Variants in NEK4 observed in about 807,000 individuals in gnomAD.
NEK4 encodes NIMA related kinase 4.
Under a neutral mutation model 98.4 loss-of-function variants are expected in NEK4, and 86 were observed. The observed-to-expected ratio is 0.87, with a 90% CI of 0.73 to 1.05. NEK4 has a LOEUF of 1.05. NEK4 is among the 50% of genes least tolerant of loss of function. The pLI, the probability that NEK4 is intolerant of heterozygous loss-of-function variation, is 0.00. For synonymous variants in NEK4, 328 were observed against 342.2 expected (o/e 0.96, Z 0.46); for missense variants, 898 against 950.3 (o/e 0.94, Z 0.72).
At chr3:52,750,560 A>G (rs1233137365) in intron 7 of NEK4, among the ~76,000 whole-genome samples, 1 of 152,136 alleles carries the variant, frequency 6.6e-6, no homozygotes, top group East Asian at 1.9e-4. Context: ...AAAAATACAT[A>G]TATGTGTGTG....
chr3:52,715,450 G>A (rs1406142976), intron 15 of NEK4, among the ~76,000 whole-genome samples: 3 of 152,204 alleles, frequency 2.0e-5, no homozygotes, highest in South Asian at 2.1e-4. Flanking sequence ...GCAGTGGCAC[G>A]ATCATGGCTC....
chr3:52,757,615 T>A (rs932669133), intron 6 of NEK4, among the ~76,000 whole-genome samples: 4 of 150,872 alleles, frequency 2.7e-5, no homozygotes, highest in Non-Finnish European at 4.4e-5. Context: ...TGTACATTCA[T>A]GTTCATAGCA....
At position 52,737,853 on chromosome 3, in the gene NEK4, G is replaced by A. The variant is rs559257473; in HGVS notation, c.2300-134C>T. On this transcript the variant is annotated intron_variant, in intron 14 of 15. Coordinates refer to ENST00000233027, the MANE Select transcript of NEK4 (RefSeq NM_003157.6). ...TTTTGAGACGGAGTCTTGCTCTGTC[G>A]CCCAGGCTGGAGTGCAGTGGCACGA... 4.0e-4 allele frequency: 259 copies of A among 655,620 alleles called. No homozygotes were observed. The East Asian group carries it at 4.6e-3, about 12-fold the overall frequency. 40.6% of individuals were successfully genotyped at this position (655,620 alleles called of 1,614,324 possible). A position where few individuals can be genotyped will look rare whatever the true frequency, so the allele number is the denominator to read the frequency against.
At position 52,728,006 on chromosome 3, in the gene NEK4, G is replaced by C. The variant is rs147925475; in HGVS notation, c.2433+9580C>G. Among the ~76,000 whole-genome samples, 5 of 152,294 alleles carry C rather than the reference G, an allele frequency of 3.3e-5. No homozygotes were observed. In the East Asian group the frequency reaches 9.6e-4, roughly 29 times the overall value. On this transcript the variant is annotated intron_variant, in intron 15 of 15. Transcript: ENST00000233027. The stretch of plus-strand genomic sequence containing the variant: ...TCAGCACTTTGGGAGACATAGATGA[G>C]AGGATTGCATGAGGTCAGGAGTTCC...
chr3:52,717,827 T>C (rs1384844518), intron 15 of NEK4, among the ~76,000 whole-genome samples: 1 of 152,118 alleles, frequency 6.6e-6, no homozygotes, highest in Non-Finnish European at 1.5e-5. Context: ...TCTCTCTCTG[T>C]CATCCAGGCT....
Position 52,751,974 on chromosome 3 carries a change from C to T in NEK4, c.1326G>A (p.Lys442=). ...GTTCTTTGATTAGGGGCTGCAGAGG[C>T]TTCACTGGTTCATTCTTTTCCCCAG... ...IVTGEKNEPV[K]PLQPLIKEQK... is the part of the protein sequence containing the mutation. Residue 442 remains lysine (K), a synonymous_variant, in exon 7 of 16, where the codon AAG becomes AAA. Transcript: ENST00000233027. 1 of 1,614,050 alleles carries T rather than the reference C, an allele frequency of 6.2e-7. No individual in the cohort carries two copies. The highest frequency in any genetic ancestry group is 8.5e-7 in the Non-Finnish European group (1 of 1,179,982).
intron 15 of NEK4, among the ~76,000 whole-genome samples, chr3:52,725,455 C>A (rs1205931952): frequency 6.6e-6 from 1 of 151,876 alleles, no homozygotes; most frequent in African/African-American, 2.4e-5. Flanking sequence ...GCGGAGCTTG[C>A]AGTGAGCTGA....
intron 6 of NEK4, chr3:52,754,075 T>C (rs761633327): frequency 1.2e-5 from 3 of 245,280 alleles, no homozygotes; most frequent in Admixed American, 5.2e-5. Flanking sequence ...AGGCAGGAGA[T>C]CACTTGAACC....
At chr3:52,757,857 A>G (rs1698183051) in intron 6 of NEK4, among the ~76,000 whole-genome samples, 1 of 152,190 alleles carries the variant, frequency 6.6e-6, no homozygotes, top group African/African-American at 2.4e-5. Context: ...AGGTACTTAC[A>G]CTAGTCAAAA....
In NEK4 at chr3:52,752,103, A is replaced by G. The variant is rs1028767268; in HGVS notation, c.1197T>C (p.Gly399=). 6.2e-7 allele frequency: 1 copy of G among 1,614,062 alleles called. No homozygotes were observed. Among genetic ancestry groups the G allele is most frequent in the Non-Finnish European group, 8.5e-7 (1 of 1,180,036 alleles). The stretch of plus-strand genomic sequence containing the variant: ...CTTCCACTTGAGAAATACTGCATAT[A>G]CCTCCTAACTCATTAGAGGCATCCA... ...RYLDASNELG[G]ICSISQVEEE... The change falls in exon 7 of 16, where the codon GGT becomes GGC. Residue 399 remains glycine, a synonymous_variant. Transcript: ENST00000233027.
intron 15 of NEK4, among the ~76,000 whole-genome samples, chr3:52,719,435 T>C (rs2097358157): frequency 6.6e-6 from 1 of 151,764 alleles, no homozygotes. Flanking sequence ...AATACAAAAT[T>C]AGCCAGGTAT....
chr3:52,750,178 A>T (rs2097402772), intron 7 of NEK4, among the ~76,000 whole-genome samples: 1 of 152,230 alleles, frequency 6.6e-6, no homozygotes, highest in South Asian at 2.1e-4. Context: ...TCCACATATA[A>T]CCTTCCTCTT....
intron 6 of NEK4, among the ~76,000 whole-genome samples, chr3:52,758,276 T>C (rs1224240018): frequency 1.3e-5 from 2 of 151,308 alleles, no homozygotes; most frequent in Non-Finnish European, 1.5e-5. Context: ...TACTGTTTAA[T>C]GGTAACAGAG....
At chr3:52,753,250 C>T (rs542962698) in intron 6 of NEK4, among the ~76,000 whole-genome samples, 6 of 152,144 alleles carry the variant, frequency 3.9e-5, no homozygotes, top group Admixed American at 3.3e-4. Context: ...TGCAGTGAGC[C>T]GTGATCACAC....
intron 1 of NEK4, among the ~76,000 whole-genome samples, chr3:52,770,176 T>G (rs1425322568): frequency 6.6e-6 from 1 of 152,016 alleles, no homozygotes; most frequent in Non-Finnish European, 1.5e-5. Context: ...GAGAGAAGGT[T>G]TGGCGGGAAG....
intron 7 of NEK4, among the ~76,000 whole-genome samples, chr3:52,750,718 G>A (rs2097403516): frequency 6.6e-6 from 1 of 152,126 alleles, no homozygotes; most frequent in Non-Finnish European, 1.5e-5. Context: ...GTCGAGCCCA[G>A]GAGTTTGAGA....
intron 13 of NEK4, among the ~76,000 whole-genome samples, chr3:52,740,128 G>A (rs1443687615): frequency 6.6e-6 from 1 of 152,106 alleles, no homozygotes; most frequent in Non-Finnish European, 1.5e-5. Flanking sequence ...CTTCCAATGA[G>A]GTAAAATTCA....
chr3:52,738,302 T>C (rs1350302855), intron 14 of NEK4, among the ~76,000 whole-genome samples: 1 of 151,848 alleles, frequency 6.6e-6, no homozygotes, highest in African/African-American at 2.4e-5. Flanking sequence ...TGATGGGGTC[T>C]ATGTTGTCCC....
chr3:52,738,923 T>A (rs1270334070), intron 14 of NEK4, among the ~76,000 whole-genome samples: 1 of 152,246 alleles, frequency 6.6e-6, no homozygotes, highest in African/African-American at 2.4e-5. Context: ...CATTTATCTA[T>A]TTATTTTTAA....
Sources: allele counts gnomAD v4.1 joint callset (sites outside exome capture counted in the v4.1 genomes callset), GRCh38; gene constraint gnomAD v4.1.1; transcripts MANE v1.5; gene names NCBI Gene and HGNC (gene_info 2026-07-23, HGNC 2026-07-21).